The following NUP155 variants were observed in gnomAD, a reference collection of about 807,000 sequenced individuals.
The protein encoded by NUP155 is nucleoporin 155, also known as nuclear pore complex protein Nup155.
In NUP155, 71 loss-of-function variants were observed where a neutral mutation model predicts 180.4. The ratio of observed to expected loss-of-function variants is 0.39; its 90% CI spans 0.33 to 0.48. The LOEUF (loss-of-function observed/expected upper bound fraction) is 0.48, where lower values mean the gene tolerates loss of function less well. Ranked by LOEUF, NUP155 falls within the 20% of genes least tolerant of loss-of-function variation. The pLI, the probability that NUP155 is intolerant of heterozygous loss-of-function variation, is 0.91. For synonymous variants in NUP155, 582 were observed against 559.5 expected, an observed-to-expected ratio of 1.04 and a Z score of -0.57; for missense variants, 1,553 against 1,648.9, an observed-to-expected ratio of 0.94 and a Z score of 1.01.
intron 10 of NUP155, 60 bp downstream of exon 10, chr5:37,342,489 A>C (rs1745790025): frequency 2.9e-6 from 3 of 1,041,996 alleles, no homozygotes; most frequent in Admixed American, 3.6e-5. Context: ...TAAATTTCCA[A>C]ATCTAAGAAT....
Position 37,324,123 on chromosome 5 carries a change from AT to A in NUP155, c.2092-17del. ...TACTTTCAATCTGTAAAAATGAAAG[AT>A]TTTTCAAAAGTTTAAAAACACACCC... is the stretch of plus-strand genomic sequence containing the variant. On this transcript the variant is annotated splice_polypyrimidine_tract_variant and intron_variant, in intron 19 of 34. Coordinates refer to ENST00000231498, the MANE Select transcript of NUP155 (RefSeq NM_153485.3). The A allele has an allele frequency of 6.4e-7, 1 of 1,554,264 alleles. No individual in the cohort carries two copies. The highest frequency in any genetic ancestry group is 8.9e-7 in the Non-Finnish European group (1 of 1,125,800).
At chr5:37,327,487 A>T (rs1329710184) in intron 18 of NUP155, 142 bp downstream of exon 18, 1 of 803,678 alleles carries the variant, frequency 1.2e-6, no homozygotes, top group South Asian at 1.6e-5. Context: ...CTGGAATAAT[A>T]GAAAAGTTTT....
intron 25 of NUP155, 83 bp downstream of exon 25, chr5:37,307,214 C>T (rs375196971): frequency 9.5e-7 from 1 of 1,049,316 alleles, no homozygotes; most frequent in Non-Finnish European, 1.3e-6. Flanking sequence ...AAAAAAAAAA[C>T]ATAAAACAAA....
intron 9 of NUP155, among the ~76,000 whole-genome samples, chr5:37,344,052 T>C (rs1038785820): frequency 6.6e-6 from 1 of 152,014 alleles, no homozygotes; most frequent in Non-Finnish European, 1.5e-5. Context: ...CTAAAAGATA[T>C]ATTACTGCTT....
chr5:37,333,984 G>A (rs2150969478), intron 12 of NUP155, among the ~76,000 whole-genome samples: 1 of 151,694 alleles, frequency 6.6e-6, no homozygotes, highest in East Asian at 1.9e-4. Flanking sequence ...TATTTTTAGT[G>A]GGGACGGGGT....
intron 22 of NUP155, among the ~76,000 whole-genome samples, chr5:37,312,643 T>C (rs1487093357): frequency 6.6e-6 from 1 of 152,120 alleles, no homozygotes; most frequent in Non-Finnish European, 1.5e-5. Flanking sequence ...GCCTAGGAGA[T>C]ACGGTGAAAC....
At position 37,333,527 on chromosome 5, in the gene NUP155, T is replaced by C. The variant is rs1018308418; in HGVS notation, c.1454A>G (p.Asp485Gly). ...PLNKDHIPIT[D>G]SPVVVQQHML... ...GTGCTGCTGTACAACAACTGGTGAA[T>C]CAGTTATTGGAATATGATCCTTGTT... Residue 485 changes from aspartate to glycine, a missense_variant, in exon 13 of 35, where the codon GAT becomes GGT. By Grantham distance (94) the Asp-to-Gly change is moderately conservative. Coordinates refer to ENST00000231498, the MANE Select transcript of NUP155 (RefSeq NM_153485.3). 5 of 1,613,294 alleles carry C rather than the reference T, an allele frequency of 3.1e-6. No homozygotes were observed. Among genetic ancestry groups the C allele is most frequent in the Non-Finnish European group, 4.2e-6 (5 of 1,179,354 alleles).
At chr5:37,310,876 A>G (rs1202145488) in intron 22 of NUP155, 133 bp from the exon 23 acceptor site, 3 of 713,244 alleles carry the variant, frequency 4.2e-6, no homozygotes, top group Non-Finnish European at 6.5e-6. Flanking sequence ...TATACTAATT[A>G]GTAGAAACAA....
At position 37,371,000 on chromosome 5, in the gene NUP155, G is replaced by A. The variant is rs1160934288; in HGVS notation, c.-23C>T. ...CATCTCGGAAATCGTAGACACCAGG[G>A]TCCAGAAAAAGTCAAAAACCAAGGA... On this transcript the variant is annotated 5_prime_UTR_variant, in exon 1 of 35. Transcript: ENST00000231498. The A allele has an allele frequency of 2.5e-5, 41 of 1,611,932 alleles. No individual in the cohort carries two copies. Among genetic ancestry groups the A allele is most frequent in the African/African-American group, 8.0e-5 (6 of 75,012 alleles).
At chr5:37,314,095 C>A in intron 22 of NUP155, 103 bp downstream of exon 22, 1 of 836,736 alleles carries the variant, frequency 1.2e-6, no homozygotes, top group Non-Finnish European at 1.9e-6. Flanking sequence ...TTCATCATAA[C>A]TTAAATGCTT....
chr5:37,325,288 G>A lies in NUP155; in HGVS notation c.2091+613C>T, dbSNP rs1290417608. Among the ~76,000 whole-genome samples the A allele has an allele frequency of 2.0e-5, 3 of 152,130 alleles. No individual in the cohort carries two copies. In the East Asian group the frequency reaches 5.8e-4, roughly 29 times the overall value. ...CATAGTAAAATTTGAGCAATATTAA[G>A]TTGCTTGAGTTATCCCTCATGACAA... On this transcript the variant is annotated intron_variant, in intron 19 of 34. Transcript: ENST00000231498.
At position 37,292,889 on chromosome 5, in the gene NUP155, T is replaced by G; in HGVS notation, c.4027A>C (p.Asn1343His). The G allele has an allele frequency of 6.2e-7, 1 of 1,603,662 alleles. No individual in the cohort carries two copies. The highest frequency in any genetic ancestry group is 1.3e-5 in the African/African-American group (1 of 74,798). The change falls in exon 34 of 35, where the codon AAT (asparagine) becomes CAT (histidine). Residue 1343 changes from asparagine (N) to histidine (H), a missense_variant. Transcript: ENST00000231498. Reference sequence around the variant, plus strand: ...TTAATTCATAAGTACCTTTCACAATTTAAAACTTGGCTGGGATTCTCAACA... The same window carrying G: ...TTAATTCATAAGTACCTTTCACAATGTAAAACTTGGCTGGGATTCTCAACA... ...RYVENPSQVL[N>H]CERRRFTNLC...
intron 21 of NUP155, among the ~76,000 whole-genome samples, chr5:37,315,382 A>C (rs1344461486): frequency 6.6e-6 from 1 of 152,238 alleles, no homozygotes; most frequent in African/African-American, 2.4e-5. Flanking sequence ...GAATAACTGA[A>C]GATTATGAGA....
At position 37,288,747 on chromosome 5, in the gene NUP155, T is replaced by TAAAAAA. The variant is rs1224427809; in HGVS notation, c.*3147_*3152dup. 1.6e-5 allele frequency: 1 copy of TAAAAAA among 61,642 alleles called. No homozygotes were observed. Among genetic ancestry groups the TAAAAAA allele is most frequent in the Non-Finnish European group, 2.8e-5 (1 of 35,396 alleles). 3.8% of individuals were successfully genotyped at this position (61,642 alleles called of 1,614,324 possible). On this transcript the variant is annotated 3_prime_UTR_variant, in exon 35 of 35. Transcript: ENST00000231498. Reference sequence around the variant, plus strand: ...GAGATCTTTTGGCTACACAAAAAATTAAAAAAAAAAAAAAAAAAAAAGTAG... The same window carrying TAAAAAA: ...GAGATCTTTTGGCTACACAAAAAATTAAAAAAAAAAAAAAAAAAAAAAAAAAAGTAG...
chr5:37,371,057 G>A lies in NUP155; in HGVS notation c.-80C>T. The A allele has an allele frequency of 2.0e-6, 3 of 1,507,492 alleles. No homozygotes were observed. The highest frequency in any genetic ancestry group is 1.1e-5 in the South Asian group (1 of 87,690). The allele number at this position is 1,507,492 out of a possible 1,614,324, so 93.4% of individuals were successfully genotyped here. A position where few individuals can be genotyped will look rare whatever the true frequency, so the allele number is the denominator to read the frequency against. On this transcript the variant is annotated 5_prime_UTR_variant, in exon 1 of 35. Coordinates refer to ENST00000231498, the MANE Select transcript of NUP155 (RefSeq NM_153485.3). The stretch of plus-strand genomic sequence containing the variant: ...AGAAAAGATCCAAGAAGTTAGCTTA[G>A]ATCCGCCGCCTAGGGCGCGCGCGCC...
intron 3 of NUP155, among the ~76,000 whole-genome samples, chr5:37,361,367 A>C (rs1326116373): frequency 6.6e-6 from 1 of 152,108 alleles, no homozygotes; most frequent in East Asian, 1.9e-4. Flanking sequence ...AATAGAAGAC[A>C]TCAAACTAAA....
intron 9 of NUP155, among the ~76,000 whole-genome samples, chr5:37,348,063 G>C (rs1746216463): frequency 6.6e-6 from 1 of 152,138 alleles, no homozygotes; most frequent in Non-Finnish European, 1.5e-5. Flanking sequence ...GAACGCGCGA[G>C]GCAGAAGTTG....
intron 5 of NUP155, among the ~76,000 whole-genome samples, 169 bp from the exon 6 acceptor site, chr5:37,351,525 C>A (rs1746457614): frequency 6.6e-6 from 1 of 151,848 alleles, no homozygotes; most frequent in Admixed American, 6.6e-5. Context: ...CAGCTCACTG[C>A]AAGCTCTACC....
In NUP155 at chr5:37,327,748, T is replaced by G. The variant is rs143789337; in HGVS notation, c.1905A>C (p.Pro635=). The change falls in exon 18 of 35, where the codon CCA becomes CCC. Residue 635 remains proline (P), a synonymous_variant. Coordinates refer to ENST00000231498, the MANE Select transcript of NUP155 (RefSeq NM_153485.3). The part of the protein sequence containing the change: ...HGIQPPAMST[P]VCALGNPATQ... The stretch of plus-strand genomic sequence containing the variant: ...TTGCTGGGTTTCCCAGAGCACACAC[T>G]GGAGTTGACATGGCAGGAGGCTGTA... 3.2e-5 allele frequency: 52 copies of G among 1,614,002 alleles called. No homozygotes were observed. Among genetic ancestry groups the G allele is most frequent in the Non-Finnish European group, 3.4e-6 (4 of 1,180,024 alleles).
Sources: gnomAD v4.1 joint callset for allele counts (sites outside exome capture counted in the v4.1 genomes callset) on GRCh38, gnomAD v4.1.1 for gene constraint, MANE v1.5 for transcripts, NCBI Gene and HGNC (gene_info 2026-07-23, HGNC 2026-07-21) for gene names.